Variants in PLEKHA8 observed in about 807,000 individuals in gnomAD.
The protein encoded by PLEKHA8 is pleckstrin homology domain-containing family A member 8.
PLEKHA8 carries 36 observed loss-of-function variants against 68.2 expected under a neutral mutation model. That is an observed-to-expected ratio of 0.53 (90% confidence interval 0.40 to 0.70). The LOEUF (loss-of-function observed/expected upper bound fraction) is 0.70, where lower values mean the gene tolerates loss of function less well. Among genes scored for constraint, PLEKHA8 ranks in the 30% least tolerant of loss-of-function variants. The pLI, the probability that PLEKHA8 is intolerant of heterozygous loss-of-function variation, is 0.00. For synonymous variants in PLEKHA8, 211 were observed against 216.1 expected (o/e 0.98, Z 0.20); for missense variants, 505 against 615.4 (o/e 0.82, Z 1.90).
Position 30,048,059 on chromosome 7 carries a change from A to G in PLEKHA8, c.438+103A>G, listed in dbSNP as rs958243184. On this transcript the variant is annotated intron_variant, in intron 4 of 13. Transcript: ENST00000449726. ...GGTAAAATATTATTTTATTAATATT[A>G]CTAATATACCTAAAAAGCACCAGAC... is the stretch of plus-strand genomic sequence containing the variant. 7.7e-6 allele frequency: 5 copies of G among 651,604 alleles called. No homozygotes were observed. The African/African-American group carries it at 9.7e-5, about 13-fold the overall frequency. The allele number at this position is 651,604 out of a possible 1,614,324, so 40.4% of individuals were successfully genotyped here. A position where few individuals can be genotyped will look rare whatever the true frequency, so the allele number is the denominator to read the frequency against.
chr7:30,123,149 C>G (rs551404682), intron 13 of PLEKHA8, among the ~76,000 whole-genome samples: 1 of 152,168 alleles, frequency 6.6e-6, no homozygotes, highest in Non-Finnish European at 1.5e-5. Context: ...AAGAATGAAC[C>G]TGGATTCTTC....
At position 30,090,723 on chromosome 7, in the gene PLEKHA8, TAAAC is replaced by T. The variant is rs906355240; in HGVS notation, c.*550_*553del. Reference sequence around the variant, plus strand: ...TTAAATTTTTTGGTAATCTTTTAAATAAACAGATTTCTAAAAAGAAATACGTATT... The same window carrying T: ...TTAAATTTTTTGGTAATCTTTTAAATAGATTTCTAAAAAGAAATACGTATT... On this transcript the variant is annotated 3_prime_UTR_variant, in exon 13 of 13. Coordinates refer to the PLEKHA8 transcript ENST00000258679. The T allele has an allele frequency of 3.3e-5, 23 of 689,296 alleles. No individual in the cohort carries two copies. In the Admixed American group the frequency reaches 9.5e-4, roughly 28 times the overall value. 42.7% of individuals were successfully genotyped at this position (689,296 alleles called of 1,614,324 possible).
intron 9 of PLEKHA8, among the ~76,000 whole-genome samples, chr7:30,059,666 A>ATTT (rs547127345): frequency 4.2e-4 from 44 of 105,538 alleles, no homozygotes; most frequent in African/African-American, 1.5e-3. Context: ...TCAATCAAGT[A>ATTT]TTTTTTTTTT....
chr7:30,107,921 T>A (rs1273519246), intron 13 of PLEKHA8, among the ~76,000 whole-genome samples: 1 of 151,866 alleles, frequency 6.6e-6, no homozygotes, highest in Non-Finnish European at 1.5e-5. Flanking sequence ...ATACAGAAAT[T>A]AGCTGGGTGT....
chr7:30,063,127 A>C (rs1208780672), intron 12 of PLEKHA8, among the ~76,000 whole-genome samples: 1 of 152,160 alleles, frequency 6.6e-6, no homozygotes, highest in Non-Finnish European at 1.5e-5. Context: ...GGCGTGGGGG[A>C]ATCCCAGGGA....
rs56796780 is a variant in PLEKHA8, at chr7:30,034,010, CTTTTTTTTTTTTTT to C, written c.40+5227_40+5240del. 1.3e-3 allele frequency among the ~76,000 whole-genome samples: 44 copies of C among 34,658 alleles called. No homozygotes were observed. In the South Asian group the frequency reaches 0.016, roughly 12 times the overall value. 22.7% of individuals were successfully genotyped at this position (34,658 alleles called of 152,430 possible). On this transcript the variant is annotated intron_variant, in intron 1 of 13. Transcript: ENST00000449726. Reference sequence around the variant, plus strand: ...TTCATTACAGAGTTGTAAGAGGTTTCTTTTTTTTTTTTTTTTTTTTTTTTTTTTTTTTGAGACAG... The same window carrying C: ...TTCATTACAGAGTTGTAAGAGGTTTCTTTTTTTTTTTTTTTTTTGAGACAG...
downstream of PLEKHA8, among the ~76,000 whole-genome samples, chr7:30,086,159 A>G (rs557698117): frequency 5.3e-5 from 8 of 152,310 alleles, no homozygotes; most frequent in Non-Finnish European, 1.0e-4. Flanking sequence ...CCCAAATGAG[A>G]TATGTTGAGG....
chr7:30,074,000 A>AT, intron 12 of PLEKHA8, 71 bp from the exon 13 acceptor site: 19 of 1,341,526 alleles, frequency 1.4e-5, no homozygotes, highest in Non-Finnish European at 2.0e-5. Context: ...AAAAAAAAAA[A>AT]AGTACATTAT....
chr7:30,100,020 G>A (rs531767351), intron 13 of PLEKHA8, among the ~76,000 whole-genome samples: 11 of 152,248 alleles, frequency 7.2e-5, no homozygotes, highest in South Asian at 2.1e-4. Flanking sequence ...CCTAGCTTCC[G>A]GTGGTTGTCG....
intron 13 of PLEKHA8, 136 bp downstream of exon 13, chr7:30,074,268 G>GTGTGTGTA: frequency 1.4e-5 from 9 of 652,468 alleles, no homozygotes; most frequent in South Asian, 2.5e-5. Context: ...GTGTGTGTGT[G>GTGTGTGTA]TGTGTATGTG....
exon 13 of PLEKHA8, chr7:30,090,700 AAATTTTTTGGTAATCTTTT>A (rs1795380979): frequency 1.5e-6 from 1 of 665,068 alleles, no homozygotes; most frequent in Non-Finnish European, 1.9e-6. Flanking sequence ...ACAATTTCTT[AAATTTTTTGGTAATCTTTT>A]AAATAAACAG....
intron 12 of PLEKHA8, among the ~76,000 whole-genome samples, chr7:30,067,331 G>T (rs1793919772): frequency 6.6e-6 from 1 of 152,182 alleles, no homozygotes; most frequent in African/African-American, 2.4e-5. Flanking sequence ...TTAGCCATGT[G>T]TGGTGGTACC....
Position 30,082,020 on chromosome 7 carries a change from A to G in PLEKHA8, c.*3233A>G. On this transcript the variant is annotated 3_prime_UTR_variant, in exon 14 of 14. Transcript: ENST00000449726. ...ACCAAATTGTAACTATGAGGAGAAG[A>G]TGGTCTTCTCATTGGCTCTTGATGT... is the stretch of plus-strand genomic sequence containing the variant. 1.7e-5 allele frequency: 16 copies of G among 940,048 alleles called. No individual in the cohort carries two copies. Among genetic ancestry groups the G allele is most frequent in the African/African-American group, 1.8e-5 (1 of 56,266 alleles). The allele number at this position is 940,048 out of a possible 1,614,324, so 58.2% of individuals were successfully genotyped here. A position where few individuals can be genotyped will look rare whatever the true frequency, so the allele number is the denominator to read the frequency against.
chr7:30,035,045 CT>C (rs560158663), intron 1 of PLEKHA8, among the ~76,000 whole-genome samples: 52 of 148,302 alleles, frequency 3.5e-4, no homozygotes, highest in African/African-American at 6.9e-4. Flanking sequence ...AAGAGTACAG[CT>C]TTTTTTTTTC....
chr7:30,071,906 A>C (rs543407257), intron 12 of PLEKHA8: 1 of 152,336 alleles, frequency 6.6e-6, no homozygotes, highest in African/African-American at 2.4e-5. Flanking sequence ...GGTTTTTATC[A>C]GAGGCTGTAC....
rs1791846266 is a variant in PLEKHA8 at position 30,045,110 on chromosome 7, C to T, written c.66C>T (p.Leu22=). The T allele has an allele frequency of 5.0e-6, 8 of 1,609,274 alleles. No individual in the cohort carries two copies. Among genetic ancestry groups the T allele is most frequent in the Non-Finnish European group, 6.8e-6 (8 of 1,178,166 alleles). The part of the protein sequence containing the change: ...LSGWQPRWFL[L]CGGILSYYDS... ...GTTGGCAGCCTCGATGGTTCCTTCT[C>T]TGTGGGGGAATATTGTCCTATTATG... Residue 22 remains leucine, a synonymous_variant, in exon 2 of 14, where the codon CTC becomes CTT. Transcript: ENST00000449726.
At position 30,097,473 on chromosome 7, in the gene PLEKHA8, G is replaced by A. The variant is rs533073862; in HGVS notation, c.1362+23341G>A. On this transcript the variant is annotated intron_variant, in intron 13 of 13. Transcript: ENST00000396257. ...TCACTTTCAGGTACACCAATCAGAC[G>A]TAGATTTGGTCTTTTTACATAGTCC... 2.8e-4 allele frequency among the ~76,000 whole-genome samples: 42 copies of A among 152,290 alleles called. No individual in the cohort carries two copies. The South Asian group carries it at 5.2e-3, about 19-fold the overall frequency.
At chr7:30,110,135 A>G (rs972933314) in intron 13 of PLEKHA8, among the ~76,000 whole-genome samples, 7 of 152,244 alleles carry the variant, frequency 4.6e-5, no homozygotes, top group Admixed American at 2.6e-4. Flanking sequence ...GAATATTTGC[A>G]TTACCCCCAA....
At chr7:30,042,253 C>G (rs185670156) in intron 1 of PLEKHA8, among the ~76,000 whole-genome samples, 204 of 152,306 alleles carry the variant, frequency 1.3e-3, no homozygotes, top group Admixed American at 3.0e-3. Flanking sequence ...TTCTCAGTCT[C>G]TAGTCACATG....
Sources: gnomAD v4.1 joint callset for allele counts (sites outside exome capture counted in the v4.1 genomes callset) on GRCh38, gnomAD v4.1.1 for gene constraint, MANE v1.5 for transcripts, NCBI Gene and HGNC (gene_info 2026-07-23, HGNC 2026-07-21) for gene names.